LRP1B: variants seen among roughly 807,000 people sequenced by gnomAD.
The protein encoded by LRP1B is low-density lipoprotein receptor-related protein 1B.
In LRP1B, 217 loss-of-function variants were observed where a neutral mutation model predicts 556.6. That is an observed-to-expected ratio of 0.39 (90% CI 0.35 to 0.44). The LOEUF is 0.44. LRP1B is among the 20% of genes least tolerant of loss of function. LRP1B has a pLI of 1.00. For missense variants in LRP1B, 5,053 were observed against 5,620.8 expected, an observed-to-expected ratio of 0.90 and a Z score of 3.23; for synonymous variants, 2,047 against 1,865.8, an observed-to-expected ratio of 1.10 and a Z score of -2.50.
chr2:140,350,141 TA>T (rs984674247), intron 77 of LRP1B, among the ~76,000 whole-genome samples: 3 of 152,164 alleles, frequency 2.0e-5, no homozygotes, highest in African/African-American at 7.2e-5. Context: ...CCAGGTTACT[TA>T]AAAATATAAA....
intron 3 of LRP1B, among the ~76,000 whole-genome samples, chr2:141,258,450 A>G (rs145013681): frequency 5.9e-5 from 9 of 152,278 alleles, no homozygotes; most frequent in Non-Finnish European, 1.0e-4. Context: ...CAACCTGGCA[A>G]CAGTTGAGAC....
intron 7 of LRP1B, among the ~76,000 whole-genome samples, chr2:141,169,307 TAAATAAATAAATAAA>T (rs1473865487): frequency 9.5e-5 from 14 of 146,868 alleles, no homozygotes; most frequent in African/African-American, 2.8e-4. Context: ...AATAAATAAA[TAAATAAATAAATAAA>T]TAAATAAATA....
At chr2:141,589,716 T>A (rs1687269659) in intron 2 of LRP1B, among the ~76,000 whole-genome samples, 1 of 152,208 alleles carries the variant, frequency 6.6e-6, no homozygotes, top group South Asian at 2.1e-4. Flanking sequence ...ATTGTTTAAA[T>A]CCTGCTTCTC....
At chr2:141,640,496 T>A (rs1689290214) in intron 2 of LRP1B, among the ~76,000 whole-genome samples, 1 of 152,112 alleles carries the variant, frequency 6.6e-6, no homozygotes, top group Non-Finnish European at 1.5e-5. Flanking sequence ...TTTAATACAG[T>A]CAGAAAGAGG....
At chr2:140,533,132 A>G (rs1291580107) in intron 47 of LRP1B, among the ~76,000 whole-genome samples, 1 of 151,752 alleles carries the variant, frequency 6.6e-6, no homozygotes, top group Non-Finnish European at 1.5e-5. Flanking sequence ...TGGGGTCCAG[A>G]TTTAAGAAGG....
intron 14 of LRP1B, among the ~76,000 whole-genome samples, chr2:141,010,059 T>C (rs1159895634): frequency 1.3e-5 from 2 of 152,044 alleles, no homozygotes; most frequent in African/African-American, 4.8e-5. Flanking sequence ...ATAACAATGC[T>C]TAGTCCACTT....
At chr2:141,845,424 A>C (rs1697613380) in intron 1 of LRP1B, among the ~76,000 whole-genome samples, 1 of 151,992 alleles carries the variant, frequency 6.6e-6, no homozygotes, top group Admixed American at 6.6e-5. Flanking sequence ...CAAATGCATT[A>C]AATTTAATAA....
intron 1 of LRP1B, among the ~76,000 whole-genome samples, chr2:141,990,693 AT>A (rs1043729548): frequency 6.6e-6 from 1 of 152,104 alleles, no homozygotes; most frequent in African/African-American, 2.4e-5. Flanking sequence ...TAAAAAAGCC[AT>A]GATTTTTAAT....
intron 7 of LRP1B, among the ~76,000 whole-genome samples, chr2:141,165,804 C>T (rs1052944145): frequency 2.0e-5 from 3 of 151,922 alleles, no homozygotes; most frequent in Non-Finnish European, 4.4e-5. Flanking sequence ...AGTTGGAAAT[C>T]CTGGTTAACT....
At chr2:142,116,874 C>T (rs527461514) in intron 1 of LRP1B, among the ~76,000 whole-genome samples, 1 of 152,202 alleles carries the variant, frequency 6.6e-6, no homozygotes, top group East Asian at 1.9e-4. Flanking sequence ...TCACAGCTTC[C>T]CAAGGAACAG....
chr2:140,852,553 T>C (rs1217464611), intron 27 of LRP1B, among the ~76,000 whole-genome samples: 2 of 152,324 alleles, frequency 1.3e-5, no homozygotes, highest in East Asian at 3.9e-4. Flanking sequence ...GGTACATATA[T>C]ACCTTTCCTT....
At chr2:140,572,336 G>T (rs1369827723) in intron 43 of LRP1B, among the ~76,000 whole-genome samples, 1 of 151,460 alleles carries the variant, frequency 6.6e-6, no homozygotes, top group East Asian at 1.9e-4. Flanking sequence ...CAAATAAGCT[G>T]AATAGACATC....
intron 7 of LRP1B, among the ~76,000 whole-genome samples, chr2:141,122,353 C>T (rs1183363500): frequency 6.6e-6 from 1 of 151,552 alleles, no homozygotes; most frequent in East Asian, 1.9e-4. Context: ...ATCTACTCAT[C>T]TGACAAAGGG....
intron 84 of LRP1B, among the ~76,000 whole-genome samples, chr2:140,283,981 A>C (rs1248110068): frequency 6.6e-6 from 1 of 151,682 alleles, no homozygotes; most frequent in Non-Finnish European, 1.5e-5. Flanking sequence ...ACTGAAACCC[A>C]AATAAGTGAA....
intron 3 of LRP1B, among the ~76,000 whole-genome samples, chr2:141,357,373 A>C (rs1559026850): frequency 6.6e-6 from 1 of 152,158 alleles, no homozygotes. Context: ...TTTGATAAGA[A>C]ATACCTGTTT....
At chr2:141,899,884 A>C (rs1265121719) in intron 1 of LRP1B, among the ~76,000 whole-genome samples, 1 of 151,976 alleles carries the variant, frequency 6.6e-6, no homozygotes, top group African/African-American at 2.4e-5. Context: ...AACTCCCTGC[A>C]TTTGAAGTGA....
chr2:142,020,091 G>A (rs188232339), intron 1 of LRP1B, among the ~76,000 whole-genome samples: 76 of 152,176 alleles, frequency 5.0e-4, no homozygotes, highest in Non-Finnish European at 8.8e-4. Flanking sequence ...GTGTTGGTAT[G>A]GCTCACTGAA....
At chr2:140,962,181 G>A (rs537648862) in intron 18 of LRP1B, among the ~76,000 whole-genome samples, 34 of 152,244 alleles carry the variant, frequency 2.2e-4, no homozygotes, top group Middle Eastern at 6.8e-3. Context: ...CAAAAGCAGA[G>A]GAAAAGTATA....
intron 1 of LRP1B, among the ~76,000 whole-genome samples, chr2:142,019,518 G>A (rs934956241): frequency 2.9e-4 from 44 of 152,042 alleles, no homozygotes; most frequent in Admixed American, 2.8e-3. Context: ...CTTGCTTACT[G>A]TAGGAGACTC....
Sources: gnomAD v4.1 joint callset for allele counts (sites outside exome capture counted in the v4.1 genomes callset) on GRCh38, gnomAD v4.1.1 for gene constraint, MANE v1.5 for transcripts, NCBI Gene and HGNC (gene_info 2026-07-23, HGNC 2026-07-21) for gene names.